Variants in SDK1 observed in about 807,000 individuals in gnomAD.
SDK1 encodes the protein protein sidekick-1.
In SDK1, 157 loss-of-function variants were observed where a neutral mutation model predicts 245.5. That is an observed-to-expected ratio of 0.64 (90% CI 0.56 to 0.73). The LOEUF is 0.73. Among genes scored for constraint, SDK1 ranks in the 30% least tolerant of loss-of-function variants. The pLI is 0.00. For synonymous variants in SDK1, 1,647 were observed against 1,278.5 expected (o/e 1.29, Z -6.15); for missense variants, 3,583 against 3,002.3 (o/e 1.19, Z -4.52).
At chr7:3,868,776 A>C (rs1288523673) in intron 5 of SDK1, among the ~76,000 whole-genome samples, 1 of 152,196 alleles carries the variant, frequency 6.6e-6, no homozygotes, top group African/African-American at 2.4e-5. Context: ...TTTAATTTGC[A>C]CACATAGGTC....
intron 5 of SDK1, among the ~76,000 whole-genome samples, chr7:3,862,661 G>A (rs1780722972): frequency 1.3e-5 from 2 of 152,088 alleles, no homozygotes; most frequent in South Asian, 2.1e-4. Flanking sequence ...CAAATGTCAG[G>A]CTTTTTAATA....
chr7:3,462,938 G>C (rs190483745), intron 1 of SDK1, among the ~76,000 whole-genome samples: 37 of 152,294 alleles, frequency 2.4e-4, no homozygotes, highest in African/African-American at 8.2e-4. Flanking sequence ...TAAGGATAAA[G>C]ACCACAGACC....
Position 3,433,386 on chromosome 7 carries a change from T to G in SDK1, c.298+131502T>G, listed in dbSNP as rs946394802. Among the ~76,000 whole-genome samples, 4 of 152,188 alleles carry G rather than the reference T, an allele frequency of 2.6e-5. No individual in the cohort carries two copies. The East Asian group carries it at 5.8e-4, about 22-fold the overall frequency. ...GTTGAAGTTTTTATTTCCAGTAGTA[T>G]TTTATTTTATTTTATTGGATGAAGT... On this transcript the variant is annotated intron_variant, in intron 1 of 44. Transcript: ENST00000404826.
intron 1 of SDK1, among the ~76,000 whole-genome samples, chr7:3,389,126 A>G (rs572572307): frequency 2.0e-5 from 3 of 152,254 alleles, no homozygotes; most frequent in East Asian, 3.9e-4. Flanking sequence ...GCAGATGTAA[A>G]GGAGTGGGGG....
intron 4 of SDK1, among the ~76,000 whole-genome samples, chr7:3,762,381 A>C (rs994511545): frequency 1.8e-4 from 27 of 152,248 alleles, no homozygotes; most frequent in Non-Finnish European, 3.7e-4. Flanking sequence ...CTGCGCCCTC[A>C]TAGATCTCCT....
rs60437983 is a variant in SDK1, at chr7:3,454,388, T to TTGTGTGTGTGTGTGTGTGTGTG, written c.298+152519_298+152540dup. Among the ~76,000 whole-genome samples the TTGTGTGTGTGTGTGTGTGTGTG allele has an allele frequency of 3.6e-4, 51 of 141,792 alleles. 1 individual carries two copies. Among genetic ancestry groups the TTGTGTGTGTGTGTGTGTGTGTG allele is most frequent in the Middle Eastern group, 7.2e-3 (2 of 276 alleles). 93.0% of individuals were successfully genotyped at this position (141,792 alleles called of 152,430 possible). ...TCGATTTTTTCGTGTTCCCCAAGAT[T>TTGTGTGTGTGTGTGTGTGTGTG]TGTGTGTGTGTGTGTGTGTGTGTGT... On this transcript the variant is annotated intron_variant, in intron 1 of 44. Transcript: ENST00000404826.
intron 4 of SDK1, among the ~76,000 whole-genome samples, chr7:3,693,322 C>A (rs908465097): frequency 2.6e-5 from 4 of 152,176 alleles, no homozygotes; most frequent in African/African-American, 9.6e-5. Context: ...AAATCCCTCT[C>A]GTTATTTGGT....
At chr7:3,464,764 G>C (rs1161726362) in intron 1 of SDK1, among the ~76,000 whole-genome samples, 1 of 150,558 alleles carries the variant, frequency 6.6e-6, no homozygotes, top group Non-Finnish European at 1.5e-5. Flanking sequence ...TTTCAATTTT[G>C]ACTTATTTTT....
At chr7:3,860,224 T>C (rs1170190783) in intron 5 of SDK1, among the ~76,000 whole-genome samples, 1 of 152,146 alleles carries the variant, frequency 6.6e-6, no homozygotes, top group Non-Finnish European at 1.5e-5. Flanking sequence ...AAAACCTCTA[T>C]GTAACAAAGG....
At chr7:3,595,850 AAAAAAAC>A (rs1781040526) in intron 1 of SDK1, among the ~76,000 whole-genome samples, 3 of 149,694 alleles carry the variant, frequency 2.0e-5, no homozygotes, top group Admixed American at 1.3e-4. Flanking sequence ...AAAAAAAAAA[AAAAAAAC>A]AACAACAAAA....
intron 1 of SDK1, among the ~76,000 whole-genome samples, chr7:3,486,051 C>A (rs143034594): frequency 6.6e-6 from 1 of 151,882 alleles, no homozygotes; most frequent in Admixed American, 6.6e-5. Context: ...ATCTGAAAAA[C>A]TCTTCATTAA....
chr7:3,884,117 G>A (rs531663321), intron 5 of SDK1, among the ~76,000 whole-genome samples: 2 of 147,628 alleles, frequency 1.4e-5, no homozygotes, highest in African/African-American at 5.0e-5. Flanking sequence ...GTCTCGCTGT[G>A]TCACGCAGGC....
At chr7:3,417,457 T>G (rs532031926) in intron 1 of SDK1, among the ~76,000 whole-genome samples, 2 of 152,138 alleles carry the variant, frequency 1.3e-5, no homozygotes, top group African/African-American at 2.4e-5. Context: ...CTCTTTTTTT[T>G]CTCTCTCTTA....
At chr7:3,325,694 G>A (rs545287106) in intron 1 of SDK1, among the ~76,000 whole-genome samples, 23 of 152,222 alleles carry the variant, frequency 1.5e-4, no homozygotes, top group Non-Finnish European at 2.4e-4. Flanking sequence ...AAATAATGTA[G>A]CCTTATATCT....
intron 1 of SDK1, among the ~76,000 whole-genome samples, chr7:3,388,507 C>T (rs1005338407): frequency 1.3e-5 from 2 of 151,912 alleles, no homozygotes; most frequent in African/African-American, 2.4e-5. Flanking sequence ...CTCAAGCGAT[C>T]CCCCCATCTT....
intron 14 of SDK1, among the ~76,000 whole-genome samples, chr7:3,989,093 C>G (rs924013521): frequency 5.3e-5 from 8 of 152,170 alleles, no homozygotes; most frequent in Non-Finnish European, 1.0e-4. Context: ...GCCGGCCTCC[C>G]TCTGTTATCC....
chr7:3,639,216 G>C (rs998664598), intron 3 of SDK1, 106 bp downstream of exon 3: 8 of 591,766 alleles, frequency 1.4e-5, no homozygotes, highest in Admixed American at 5.8e-5. Context: ...TTTATCTTTG[G>C]TTCTATTTTG....
intron 1 of SDK1, among the ~76,000 whole-genome samples, chr7:3,612,411 A>C (rs1478593275): frequency 1.3e-5 from 2 of 152,182 alleles, no homozygotes; most frequent in African/African-American, 4.8e-5. Flanking sequence ...TGATATTACT[A>C]TTATGAAGAA....
At chr7:4,170,526 GCA>G (rs1360426109) in intron 32 of SDK1, among the ~76,000 whole-genome samples, 2 of 152,096 alleles carry the variant, frequency 1.3e-5, no homozygotes, top group Non-Finnish European at 2.9e-5. Context: ...TGTGTGTTAT[GCA>G]CACACAGGAT....
Sources: gnomAD v4.1 joint callset for allele counts (sites outside exome capture counted in the v4.1 genomes callset) on GRCh38, gnomAD v4.1.1 for gene constraint, MANE v1.5 for transcripts, NCBI Gene and HGNC (gene_info 2026-07-23, HGNC 2026-07-21) for gene names.